Variants in PECR observed in about 807,000 individuals in gnomAD.
The protein encoded by PECR is 2,4-dienoyl-CoA reductase-related protein.
Under a neutral mutation model 35.3 loss-of-function variants are expected in PECR, and 30 were observed. That is an observed-to-expected ratio of 0.85 (90% CI 0.64 to 1.15). The LOEUF is 1.15. Ranked by LOEUF, PECR falls within the 50% of genes most tolerant of loss-of-function variation. The pLI, the probability that PECR is intolerant of heterozygous loss-of-function variation, is 0.00. For missense variants in PECR, 392 were observed against 370.8 expected (o/e 1.06, Z -0.47); for synonymous variants, 148 against 138.9 (o/e 1.07, Z -0.46).
intron 4 of PECR, among the ~76,000 whole-genome samples, chr2:216,054,365 T>A (rs1695182978): frequency 7.3e-6 from 1 of 136,378 alleles, no homozygotes; most frequent in African/African-American, 2.8e-5. Flanking sequence ...AAGTTCTTTT[T>A]TCTTTCTTTT....
intron 7 of PECR, among the ~76,000 whole-genome samples, chr2:216,029,326 A>C (rs1449307353): frequency 2.0e-5 from 3 of 152,124 alleles, no homozygotes; most frequent in African/African-American, 7.2e-5. Flanking sequence ...AAAAATACAA[A>C]AATTAGCTGG....
At chr2:216,067,999 C>T (rs182518660) in intron 1 of PECR, among the ~76,000 whole-genome samples, 13 of 151,620 alleles carry the variant, frequency 8.6e-5, no homozygotes, top group African/African-American at 2.9e-4. Context: ...GAGGCTGAGG[C>T]GGGCCGATCA....
intron 6 of PECR, among the ~76,000 whole-genome samples, chr2:216,048,288 G>T (rs894624010): frequency 1.1e-4 from 17 of 151,140 alleles, no homozygotes; most frequent in Non-Finnish European, 7.4e-5. Flanking sequence ...TGTTAGCCAG[G>T]ATGGTCTCGA....
intron 6 of PECR, among the ~76,000 whole-genome samples, chr2:216,047,818 G>T (rs1194338253): frequency 1.3e-5 from 2 of 151,760 alleles, no homozygotes; most frequent in Non-Finnish European, 2.9e-5. Context: ...TTATAATTTA[G>T]GGAAACCTGA....
intron 4 of PECR, among the ~76,000 whole-genome samples, chr2:216,056,723 GA>G (rs1206717179): frequency 0.016 from 942 of 60,740 alleles, 8 homozygotes; most frequent in African/African-American, 0.032. Context: ...CTCCATCTCA[GA>G]AAAAAAAAAA....
chr2:216,054,751 C>T (rs550374521), intron 4 of PECR, among the ~76,000 whole-genome samples: 106 of 152,206 alleles, frequency 7.0e-4, no homozygotes, highest in African/African-American at 2.5e-3. Flanking sequence ...CAAGTTATTC[C>T]AAATTCTACA....
At chr2:216,040,093 A>G (rs1204191669) in intron 7 of PECR, among the ~76,000 whole-genome samples, 1 of 151,714 alleles carries the variant, frequency 6.6e-6, no homozygotes, top group Non-Finnish European at 1.5e-5. Flanking sequence ...TAGAGCCAAC[A>G]CCATGGAGGC....
Position 216,046,312 on chromosome 2 carries a change from T to TATA in PECR, c.715-2298_715-2297insTAT, listed in dbSNP as rs1559209240. Among the ~76,000 whole-genome samples, 714 of 72,038 alleles carry TATA rather than the reference T, an allele frequency of 9.9e-3. 4 individuals carry two copies. The highest frequency in any genetic ancestry group is 0.028 in the South Asian group (66 of 2,356). 47.3% of individuals were successfully genotyped at this position (72,038 alleles called of 152,430 possible). ...TACATACATATATATATATATATAT[T>TATA]TTTTTTTTTTTTTTTTTTGAGAAGG... On this transcript the variant is annotated intron_variant, in intron 6 of 7. Transcript: ENST00000265322.
At chr2:216,053,924 G>A (rs190759186) in intron 4 of PECR, among the ~76,000 whole-genome samples, 29 of 152,162 alleles carry the variant, frequency 1.9e-4, no homozygotes, top group Admixed American at 3.3e-4. Context: ...TGTTTTTCAA[G>A]TTACTTCCTG....
chr2:216,042,174 CAG>C (rs1694898903), intron 7 of PECR, among the ~76,000 whole-genome samples: 1 of 152,180 alleles, frequency 6.6e-6, no homozygotes, highest in South Asian at 2.1e-4. Context: ...ATCCTATCTC[CAG>C]TGTCAGAACT....
Position 216,043,970 on chromosome 2 carries a change from T to C in PECR, c.760A>G (p.Ile254Val), listed in dbSNP as rs1482580129. The change falls in exon 7 of 8, where the codon ATC (isoleucine) becomes GTC (valine). Residue 254 changes from isoleucine (I) to valine (V), a missense_variant. Ile to Val is a conservative substitution (Grantham distance 29). Transcript: ENST00000265322. Reference protein sequence around the residue: ...CFLLSPAASFITGQSVDVDGG... With the variant: ...CFLLSPAASFVTGQSVDVDGG... ...TCCACATCCACCGACTGTCCAGTGA[T>C]GAAGGAAGCTGCAGGAGACAGTAGG... The C allele has an allele frequency of 6.2e-7, 1 of 1,612,688 alleles. No homozygotes were observed.
chr2:216,063,522 G>A (rs1695401119), intron 3 of PECR, among the ~76,000 whole-genome samples: 1 of 151,978 alleles, frequency 6.6e-6, no homozygotes, highest in African/African-American at 2.4e-5. Flanking sequence ...GGAGGCTGAG[G>A]CAGGAAAATT....
At chr2:216,067,376 A>T (rs986590415) in intron 1 of PECR, among the ~76,000 whole-genome samples, 1 of 152,126 alleles carries the variant, frequency 6.6e-6, no homozygotes, top group African/African-American at 2.4e-5. Context: ...TGTGCCCACC[A>T]GAAAAAAACC....
downstream of PECR, among the ~76,000 whole-genome samples, chr2:216,035,656 T>C (rs1694782299): frequency 6.6e-6 from 1 of 152,054 alleles, no homozygotes; most frequent in Non-Finnish European, 1.5e-5. Flanking sequence ...CGGCTAATTT[T>C]TTGTATTTTT....
intron 4 of PECR, among the ~76,000 whole-genome samples, chr2:216,053,899 C>T (rs1259458452): frequency 6.6e-6 from 1 of 152,152 alleles, no homozygotes; most frequent in Non-Finnish European, 1.5e-5. Flanking sequence ...CCACACTTTT[C>T]AACTGGTAAA....
intron 3 of PECR, 149 bp from the exon 4 acceptor site, chr2:216,059,125 T>C (rs1695284912): frequency 1.5e-6 from 1 of 674,230 alleles, no homozygotes; most frequent in Middle Eastern, 2.4e-4. Context: ...AATTTATACA[T>C]CATAAAATTC....
At chr2:216,037,099 C>T (rs1265263423), downstream of PECR, among the ~76,000 whole-genome samples, 1 of 152,128 alleles carries the variant, frequency 6.6e-6, no homozygotes, top group African/African-American at 2.4e-5. Flanking sequence ...ATGCTAAATA[C>T]ATAGTAGGTG....
At chr2:216,074,621 G>A (rs914809201) in intron 1 of PECR, among the ~76,000 whole-genome samples, 4 of 152,076 alleles carry the variant, frequency 2.6e-5, no homozygotes, top group African/African-American at 4.8e-5. Context: ...CCAAGACCTC[G>A]AGTAAAAAAT....
chr2:216,065,220 A>T, intron 3 of PECR, 92 bp downstream of exon 3: 1 of 860,902 alleles, frequency 1.2e-6, no homozygotes. Flanking sequence ...CAGCCAATAA[A>T]TGTTAATGAC....
Sources: allele counts gnomAD v4.1 joint callset (sites outside exome capture counted in the v4.1 genomes callset), GRCh38; gene constraint gnomAD v4.1.1; transcripts MANE v1.5; gene names NCBI Gene and HGNC (gene_info 2026-07-23, HGNC 2026-07-21).